The following DPP6 variants were observed in gnomAD, a reference collection of about 807,000 sequenced individuals.
DPP6 encodes the protein dipeptidyl peptidase like 6, also known as A-type potassium channel modulatory protein DPP6.
DPP6 carries 69 observed loss-of-function variants against 122.6 expected under a neutral mutation model. The ratio of observed to expected loss-of-function variants is 0.56; its 90% confidence interval spans 0.46 to 0.69. The LOEUF is 0.69. DPP6 is among the 30% of genes least tolerant of loss of function. The pLI is 0.00. For missense variants in DPP6, 928 were observed against 1,116.9 expected (o/e 0.83, Z 2.41); for synonymous variants, 418 against 433.1 (o/e 0.97, Z 0.43).
intron 1 of DPP6, among the ~76,000 whole-genome samples, chr7:153,996,403 A>G (rs1456772125): frequency 3.3e-5 from 5 of 152,170 alleles, no homozygotes; most frequent in East Asian, 1.9e-4. Context: ...TTCTGGGCCT[A>G]TCCTTCAAGG....
chr7:153,833,445 G>A, the DPP6 span, among the ~76,000 whole-genome samples: 45,599 of 152,102 alleles, frequency 0.3, 7,144 homozygotes, highest in South Asian at 0.4. Context: ...AGGCTGAGGC[G>A]GGCGGATCAC....
intron 11 of DPP6, among the ~76,000 whole-genome samples, chr7:154,795,419 A>G (rs1440674556): frequency 6.6e-6 from 1 of 152,234 alleles, no homozygotes; most frequent in African/African-American, 2.4e-5. Context: ...CTGGTCCACC[A>G]GGAGTGTTAC....
intron 1 of DPP6, among the ~76,000 whole-genome samples, chr7:154,204,783 T>TTGTGTGTGTG (rs71182884): frequency 1.3e-4 from 19 of 150,984 alleles, no homozygotes; most frequent in African/African-American, 3.6e-4. Context: ...CTTGATGACC[T>TTGTGTGTGTG]TGTGTGTGTG....
In DPP6 at chr7:154,794,290, T is replaced by C. The variant is rs1797873552; in HGVS notation, c.1260+88T>C. The C allele has an allele frequency of 5.3e-5, 76 of 1,445,762 alleles. 2 individuals carry two copies. The highest frequency in any genetic ancestry group is 7.3e-5 in the South Asian group (5 of 68,068). 89.6% of individuals were successfully genotyped at this position (1,445,762 alleles called of 1,614,324 possible). A position where few individuals can be genotyped will look rare whatever the true frequency, so the allele number is the denominator to read the frequency against. On this transcript the variant is annotated intron_variant, in intron 11 of 25. Coordinates refer to ENST00000377770, the MANE Select transcript of DPP6 (RefSeq NM_130797.4). ...GGTGGCGCCAGAGTCGTCTCAGCCC[T>C]CGGGCCTGGGACTTGGGGACCGGCC...
intron 1 of DPP6, among the ~76,000 whole-genome samples, chr7:153,995,799 T>C (rs1797403802): frequency 1.3e-5 from 2 of 152,156 alleles, no homozygotes; most frequent in Non-Finnish European, 2.9e-5. Flanking sequence ...AGATACGGCA[T>C]TCACTCTTAC....
At chr7:154,213,576 CAG>C (rs774260694) in intron 1 of DPP6, among the ~76,000 whole-genome samples, 26 of 152,218 alleles carry the variant, frequency 1.7e-4, no homozygotes, top group Admixed American at 9.8e-4. Flanking sequence ...GCCTCGCACA[CAG>C]AGCTGGGAGG....
intron 1 of DPP6, among the ~76,000 whole-genome samples, chr7:154,198,468 C>T (rs193086860): frequency 3.3e-5 from 5 of 152,132 alleles, no homozygotes; most frequent in African/African-American, 1.2e-4. Flanking sequence ...TGTGCCACCA[C>T]ACCTGGCTCA....
intron 1 of DPP6, among the ~76,000 whole-genome samples, chr7:154,001,457 G>A (rs1797683701): frequency 1.4e-5 from 2 of 147,080 alleles, no homozygotes; most frequent in Admixed American, 1.4e-4. Flanking sequence ...TAAAACCATG[G>A]CAGCGGGTTG....
chr7:154,864,683 G>A (rs906373185), intron 17 of DPP6, among the ~76,000 whole-genome samples: 2 of 152,214 alleles, frequency 1.3e-5, no homozygotes, highest in Non-Finnish European at 2.9e-5. Context: ...CCAGTTGTGT[G>A]GGCAATCATT....
chr7:154,889,319 C>T lies in DPP6; in HGVS notation c.2352C>T (p.Phe784=). ...HRVSALEEQQ[F]LIIHPTADEK... The stretch of plus-strand genomic sequence containing the variant: ...TCTCCGCGCTGGAAGAACAGCAGTT[C>T]CTGATCATTCATCCCACTGCCGATG... The change falls in exon 24 of 26, where the codon TTC becomes TTT. Residue 784 remains phenylalanine, a synonymous_variant. Coordinates refer to ENST00000377770, the MANE Select transcript of DPP6 (RefSeq NM_130797.4). 6.2e-7 allele frequency: 1 copy of T among 1,613,040 alleles called. No individual in the cohort carries two copies. Among genetic ancestry groups the T allele is most frequent in the South Asian group, 1.1e-5 (1 of 90,672 alleles).
At chr7:154,305,695 T>C in intron 1 of DPP6, 1 of 1,258,902 alleles carries the variant, frequency 7.9e-7, no homozygotes, top group Non-Finnish European at 1.1e-6. Context: ...TTTATGACTG[T>C]AGCCCCCTGA....
At chr7:154,120,026 C>A (rs1476680393) in intron 1 of DPP6, among the ~76,000 whole-genome samples, 1 of 152,102 alleles carries the variant, frequency 6.6e-6, no homozygotes, top group East Asian at 1.9e-4. Flanking sequence ...TTCCATAGCA[C>A]CTCACATCAT....
At chr7:154,018,147 C>A (rs538860122) in intron 1 of DPP6, among the ~76,000 whole-genome samples, 3 of 152,022 alleles carry the variant, frequency 2.0e-5, no homozygotes, top group East Asian at 3.9e-4. Flanking sequence ...CAAGACAAGG[C>A]CACCACGAGG....
intron 1 of DPP6, among the ~76,000 whole-genome samples, chr7:154,229,108 A>T (rs576373779): frequency 7.9e-4 from 121 of 152,294 alleles, no homozygotes; most frequent in African/African-American, 2.8e-3. Context: ...TGGCTCTCTC[A>T]TAATAACACA....
At chr7:154,045,391 C>T (rs1799971307) in intron 1 of DPP6, among the ~76,000 whole-genome samples, 1 of 152,224 alleles carries the variant, frequency 6.6e-6, no homozygotes, top group Non-Finnish European at 1.5e-5. Context: ...TAGTACATTG[C>T]TCTAGTGCAG....
chr7:154,003,722 G>A (rs1472747569), intron 1 of DPP6, among the ~76,000 whole-genome samples: 1 of 151,898 alleles, frequency 6.6e-6, no homozygotes, highest in Non-Finnish European at 1.5e-5. Context: ...CCTGGGAAGT[G>A]GCCTTGCCAG....
At position 153,951,545 on chromosome 7, in the gene DPP6, C is replaced by T. The variant is rs372118469; in HGVS notation, c.51+63811C>T. Reference sequence around the variant, plus strand: ...TCGGGGACTCTGTCTCAGTCTGGATCCCTCCCCCTGGCAGTCGCCACTGAC... The same window carrying T: ...TCGGGGACTCTGTCTCAGTCTGGATTCCTCCCCCTGGCAGTCGCCACTGAC... On this transcript the variant is annotated intron_variant, in intron 1 of 25. Transcript: ENST00000404039. 6.6e-5 allele frequency among the ~76,000 whole-genome samples: 10 copies of T among 152,176 alleles called. No individual in the cohort carries two copies. The East Asian group carries it at 1.3e-3, about 21-fold the overall frequency.
In DPP6 at chr7:154,036,117, C is replaced by CT. The variant is rs3980038; in HGVS notation, c.51+148393dup. On this transcript the variant is annotated intron_variant, in intron 1 of 25. Transcript: ENST00000404039. Reference sequence around the variant, plus strand: ...TCCACAAATTGCCTGCTTTTCTCTACTTTTTTTTTTGAGATCAAGCCTCAC... The same window carrying CT: ...TCCACAAATTGCCTGCTTTTCTCTACTTTTTTTTTTTGAGATCAAGCCTCAC... Among the ~76,000 whole-genome samples the CT allele has an allele frequency of 1.0e-3, 155 of 148,672 alleles. 1 individual carries two copies. The highest frequency in any genetic ancestry group is 3.4e-3 in the African/African-American group (138 of 40,422).
At chr7:154,051,802 A>G (rs1169972874), upstream of DPP6, among the ~76,000 whole-genome samples, 2 of 150,336 alleles carry the variant, frequency 1.3e-5, no homozygotes, top group East Asian at 4.0e-4. Context: ...CCTCCTCCGG[A>G]GAGAGGCGAA....
Sources: allele counts gnomAD v4.1 joint callset (sites outside exome capture counted in the v4.1 genomes callset), GRCh38; gene constraint gnomAD v4.1.1; transcripts MANE v1.5; gene names NCBI Gene and HGNC (gene_info 2026-07-23, HGNC 2026-07-21).